The following PTPRN2 variants were observed in gnomAD, a reference collection of about 807,000 sequenced individuals.
PTPRN2 encodes the protein receptor-type tyrosine-protein phosphatase N2.
In PTPRN2, 74 loss-of-function variants were observed where a neutral mutation model predicts 118.8. That is an observed-to-expected ratio of 0.62 (90% CI 0.52 to 0.76). PTPRN2 has a LOEUF of 0.76. PTPRN2 is among the 30% of genes least tolerant of loss of function. The probability of loss-of-function intolerance (pLI) is 0.00; values close to 1 mark genes in which losing one functional copy is unlikely to be tolerated. For synonymous variants in PTPRN2, 641 were observed against 608.0 expected (o/e 1.05, Z -0.80); for missense variants, 1,481 against 1,394.4 (o/e 1.06, Z -0.99).
intron 12 of PTPRN2, among the ~76,000 whole-genome samples, chr7:157,822,076 A>G (rs114648532): frequency 0.03 from 4,567 of 151,672 alleles, 224 homozygotes; most frequent in African/African-American, 0.1. Context: ...CCATCTATAT[A>G]CTATCCATCA....
Position 157,682,717 on chromosome 7 carries a change from C to T in PTPRN2, c.2001+8G>A. The T allele has an allele frequency of 6.2e-7, 1 of 1,610,248 alleles. No individual in the cohort carries two copies. The highest frequency in any genetic ancestry group is 8.5e-7 in the Non-Finnish European group (1 of 1,177,274). On this transcript the variant is annotated splice_region_variant and intron_variant, in intron 13 of 22. Transcript: ENST00000389418. ...CGATATACCACTTTTTAAAAAGTCT[C>T]CTCTTACCTGGTAGGCGGCAGTGGC...
intron 11 of PTPRN2, among the ~76,000 whole-genome samples, chr7:157,935,101 C>A (rs1799618211): frequency 1.3e-5 from 2 of 152,204 alleles, no homozygotes; most frequent in Admixed American, 6.5e-5. Flanking sequence ...GGTATTTTAG[C>A]AATTTGACTA....
chr7:157,669,497 G>GC (rs1301853579), intron 13 of PTPRN2: 1 of 474,180 alleles, frequency 2.1e-6, no homozygotes, highest in African/African-American at 2.0e-5. Context: ...AGCTCTGCAG[G>GC]CCCCTCCCCG....
intron 11 of PTPRN2, among the ~76,000 whole-genome samples, chr7:157,938,889 A>G (rs1028878714): frequency 2.0e-5 from 3 of 152,204 alleles, no homozygotes; most frequent in Non-Finnish European, 2.9e-5. Context: ...CGGTGTCAAG[A>G]TGCTCATATC....
At chr7:157,552,202 T>C (rs1411209578) in intron 21 of PTPRN2, among the ~76,000 whole-genome samples, 3 of 152,168 alleles carry the variant, frequency 2.0e-5, no homozygotes, top group African/African-American at 7.2e-5. Context: ...TCTTTAGAAA[T>C]CATCCAGAAG....
intron 3 of PTPRN2, among the ~76,000 whole-genome samples, chr7:158,263,604 T>C (rs1406641962): frequency 1.3e-5 from 2 of 152,230 alleles, no homozygotes; most frequent in African/African-American, 4.8e-5. Context: ...ACAGAGCCTC[T>C]GGGTGCTGGG....
At chr7:157,593,166 G>A (rs1370472716) in intron 17 of PTPRN2, among the ~76,000 whole-genome samples, 1 of 149,848 alleles carries the variant, frequency 6.7e-6, no homozygotes, top group Non-Finnish European at 1.5e-5. Flanking sequence ...TGGTCGTTGA[G>A]CATGGACACC....
At chr7:158,120,526 C>T (rs529555301) in intron 9 of PTPRN2, among the ~76,000 whole-genome samples, 1 of 152,178 alleles carries the variant, frequency 6.6e-6, no homozygotes. Flanking sequence ...CCTGCTGGAT[C>T]CCTGGCAAAG....
At chr7:158,174,119 A>G (rs1458331756) in intron 5 of PTPRN2, among the ~76,000 whole-genome samples, 2 of 152,210 alleles carry the variant, frequency 1.3e-5, no homozygotes, top group Non-Finnish European at 2.9e-5. Context: ...AATCTTCACA[A>G]TTTATGTTCA....
chr7:158,096,143 C>A (rs1249053407), intron 10 of PTPRN2, among the ~76,000 whole-genome samples: 1 of 152,226 alleles, frequency 6.6e-6, no homozygotes, highest in East Asian at 1.9e-4. Flanking sequence ...TTGCAAACCT[C>A]CACAGCAGAC....
chr7:158,189,557 G>C (rs1825596650), intron 5 of PTPRN2, among the ~76,000 whole-genome samples: 2 of 152,226 alleles, frequency 1.3e-5, no homozygotes, highest in Non-Finnish European at 2.9e-5. Context: ...GCACGCCACT[G>C]TCAAGTCAGG....
At chr7:157,770,722 C>A (rs940070465) in intron 12 of PTPRN2, among the ~76,000 whole-genome samples, 2 of 152,204 alleles carry the variant, frequency 1.3e-5, no homozygotes, top group Non-Finnish European at 2.9e-5. Context: ...TCGGGAAGAG[C>A]GTTCAGCCAG....
chr7:158,089,873 C>T (rs58023737), intron 10 of PTPRN2, among the ~76,000 whole-genome samples: 8,094 of 41,680 alleles, frequency 0.19, 2,311 homozygotes, highest in Non-Finnish European at 0.32. Flanking sequence ...CAAACCCTTC[C>T]TCCCCTGACG....
At chr7:157,901,281 C>T (rs1797422028) in intron 11 of PTPRN2, among the ~76,000 whole-genome samples, 1 of 152,210 alleles carries the variant, frequency 6.6e-6, no homozygotes, top group Non-Finnish European at 1.5e-5. Flanking sequence ...CACCAGGCTG[C>T]ACCTCCAACA....
chr7:158,442,572 A>G (rs1468709839), intron 2 of PTPRN2, among the ~76,000 whole-genome samples: 1 of 152,202 alleles, frequency 6.6e-6, no homozygotes, highest in Non-Finnish European at 1.5e-5. Context: ...GCAGAACTAC[A>G]GGATTCCATT....
In PTPRN2 at chr7:158,555,725, A is replaced by ACCTTTACCTT. The variant is rs1181454964; in HGVS notation, c.112+31832_112+31833insAAGGTAAAGG. Reference sequence around the variant, plus strand: ...AAGGGTAAAGGGAGCTCTTCCGCCAACAGGTGGCCGGTGTTGCTTCCCAGC... The same window carrying ACCTTTACCTT: ...AAGGGTAAAGGGAGCTCTTCCGCCAACCTTTACCTTCAGGTGGCCGGTGTTGCTTCCCAGC... On this transcript the variant is annotated intron_variant, in intron 1 of 22. Coordinates refer to ENST00000389418, the MANE Select transcript of PTPRN2 (RefSeq NM_002847.5). This position sits in a 1 kb window ranked among gnomAD's most constrained non-coding sequence, Gnocchi z 4.7. 1.9e-4 allele frequency among the ~76,000 whole-genome samples: 29 copies of ACCTTTACCTT among 152,176 alleles called. No individual in the cohort carries two copies. The highest frequency in any genetic ancestry group is 7.0e-4 in the African/African-American group (29 of 41,450).
intron 14 of PTPRN2, among the ~76,000 whole-genome samples, chr7:157,653,031 T>C (rs372180982): frequency 1.3e-5 from 2 of 152,146 alleles, no homozygotes; most frequent in African/African-American, 4.8e-5. Flanking sequence ...AGGTCTGGGC[T>C]CCGGGGCAGT....
rs554322023 is a variant in PTPRN2 at position 158,132,484 on chromosome 7, C to T, written c.1556+1193G>A. 7.7e-3 allele frequency among the ~76,000 whole-genome samples: 1,178 copies of T among 152,062 alleles called. 20 individuals are homozygous for T. The highest frequency in any genetic ancestry group is 0.025 in the African/African-American group (1,021 of 41,414). On this transcript the variant is annotated intron_variant, in intron 9 of 22. Coordinates refer to ENST00000389418, the MANE Select transcript of PTPRN2 (RefSeq NM_002847.5). ...CACAACACACACTCGTATACACACA[C>T]GCACGCACATGCACATACAGATGCA...
At chr7:157,668,396 G>A (rs577264154) in intron 13 of PTPRN2, among the ~76,000 whole-genome samples, 16 of 152,336 alleles carry the variant, frequency 1.1e-4, no homozygotes, top group African/African-American at 2.9e-4. Context: ...GCACGCTTCC[G>A]GGAGCCAACT....
Sources: gnomAD v4.1 joint callset for allele counts (sites outside exome capture counted in the v4.1 genomes callset) on GRCh38, gnomAD v4.1.1 for gene constraint, Gnocchi (gnomAD v3.1) non-coding constraint, MANE v1.5 for transcripts, NCBI Gene and HGNC (gene_info 2026-07-23, HGNC 2026-07-21) for gene names.